ZNF704: variants seen among roughly 807,000 people sequenced by gnomAD.
ZNF704 encodes glucocorticoid induced gene 1.
In ZNF704, 10 loss-of-function variants were observed where a neutral mutation model predicts 44.7. That is an observed-to-expected ratio of 0.22 (90% CI 0.14 to 0.38). ZNF704 has a LOEUF of 0.38. Ranked by LOEUF, ZNF704 falls within the 10% of genes least tolerant of loss-of-function variation. The probability of loss-of-function intolerance (pLI) is 1.00; values close to 1 mark genes in which losing one functional copy is unlikely to be tolerated. For missense variants in ZNF704, 390 were observed against 545.5 expected (o/e 0.71, Z 2.84); for synonymous variants, 211 against 207.6 (o/e 1.02, Z -0.14).
chr8:80,683,937 G>T (rs1818494604), intron 4 of ZNF704, among the ~76,000 whole-genome samples: 1 of 152,162 alleles, frequency 6.6e-6, no homozygotes, highest in South Asian at 2.1e-4. Flanking sequence ...TAATGACAAA[G>T]GTCAGGATCA....
chr8:80,747,828 T>G (rs572507110), intron 2 of ZNF704, among the ~76,000 whole-genome samples: 1 of 152,222 alleles, frequency 6.6e-6, no homozygotes, highest in Admixed American at 6.5e-5. Context: ...GCGATTCCCC[T>G]GCTTCAGCAT....
intron 2 of ZNF704, among the ~76,000 whole-genome samples, chr8:80,813,850 G>C (rs377101505): frequency 6.6e-6 from 1 of 152,078 alleles, no homozygotes; most frequent in African/African-American, 2.4e-5. Flanking sequence ...CTGCACTCCA[G>C]CCTGGGCAAT....
chr8:80,655,561 C>G (rs1164695058), intron 7 of ZNF704, among the ~76,000 whole-genome samples: 1 of 152,128 alleles, frequency 6.6e-6, no homozygotes, highest in Middle Eastern at 3.2e-3. Context: ...TTGTCAGCTA[C>G]ATGCCAGGCA....
At chr8:80,861,676 C>T (rs1809063473) in intron 1 of ZNF704, among the ~76,000 whole-genome samples, 1 of 151,924 alleles carries the variant, frequency 6.6e-6, no homozygotes, top group African/African-American at 2.4e-5. Context: ...GTCACCTTCC[C>T]TTCTCTACCT....
intron 2 of ZNF704, among the ~76,000 whole-genome samples, chr8:80,762,708 C>G (rs1040172168): frequency 6.6e-6 from 1 of 152,278 alleles, no homozygotes; most frequent in African/African-American, 2.4e-5. Flanking sequence ...ACCAATCATG[C>G]CTTCCCAACA....
chr8:80,844,096 T>C (rs1808728178), intron 1 of ZNF704, among the ~76,000 whole-genome samples: 1 of 151,870 alleles, frequency 6.6e-6, no homozygotes, highest in African/African-American at 2.4e-5. Flanking sequence ...ACAAGTATAA[T>C]ATGAAAACCT....
chr8:80,877,741 GC>G (rs1809376302), upstream of ZNF704, among the ~76,000 whole-genome samples: 1 of 152,184 alleles, frequency 6.6e-6, no homozygotes, highest in Admixed American at 6.5e-5. Flanking sequence ...TGTTCTTGGT[GC>G]TGGCGTGCAG....
chr8:80,884,103 A>G, the ZNF704 span, among the ~76,000 whole-genome samples: 1 of 152,240 alleles, frequency 6.6e-6, no homozygotes, highest in Admixed American at 6.5e-5. Flanking sequence ...TTAATATGAA[A>G]AAATTGAGAG....
At chr8:80,776,351 T>C (rs1017017141) in intron 2 of ZNF704, among the ~76,000 whole-genome samples, 4 of 152,202 alleles carry the variant, frequency 2.6e-5, no homozygotes, top group African/African-American at 9.7e-5. Flanking sequence ...AATAGGAGCA[T>C]GTCTGCACCC....
At position 80,860,387 on chromosome 8, in the gene ZNF704, C is replaced by T. The variant is rs531372358; in HGVS notation, c.-22+14184G>A. Among the ~76,000 whole-genome samples the T allele has an allele frequency of 7.2e-5, 11 of 152,266 alleles. No homozygotes were observed. In the South Asian group the frequency reaches 2.3e-3, roughly 32 times the overall value. Reference sequence around the variant, plus strand: ...TGAGTCCAGTCTTTCCAAAATCAACCCCTTCTAGCTTTTAGATATGTCTGA... The same window carrying T: ...TGAGTCCAGTCTTTCCAAAATCAACTCCTTCTAGCTTTTAGATATGTCTGA... On this transcript the variant is annotated intron_variant, in intron 1 of 8. Coordinates refer to ENST00000327835, the MANE Select transcript of ZNF704 (RefSeq NM_001033723.3).
chr8:80,842,002 G>A (rs533825640), intron 1 of ZNF704, among the ~76,000 whole-genome samples: 13 of 151,876 alleles, frequency 8.6e-5, no homozygotes, highest in East Asian at 5.8e-4. Context: ...TCCCTTTGTC[G>A]CCCAGGTTGG....
At chr8:80,726,316 A>C (rs1433271139) in intron 2 of ZNF704, among the ~76,000 whole-genome samples, 2 of 152,190 alleles carry the variant, frequency 1.3e-5, no homozygotes, top group Admixed American at 1.3e-4. Flanking sequence ...AGAATTTACG[A>C]CATATTTAGA....
At chr8:80,705,412 G>C (rs1420136094) in intron 2 of ZNF704, among the ~76,000 whole-genome samples, 1 of 151,376 alleles carries the variant, frequency 6.6e-6, no homozygotes, top group Non-Finnish European at 1.5e-5. Context: ...ATGTGTGTCT[G>C]TCTGTGTTTG....
At chr8:80,830,318 T>C (rs944632013) in intron 1 of ZNF704, among the ~76,000 whole-genome samples, 2 of 152,210 alleles carry the variant, frequency 1.3e-5, no homozygotes, top group African/African-American at 4.8e-5. Flanking sequence ...ACAAGGCTCA[T>C]CCAGTTATTG....
intron 6 of ZNF704, among the ~76,000 whole-genome samples, chr8:80,661,863 A>G (rs1818107267): frequency 6.6e-6 from 1 of 152,200 alleles, no homozygotes; most frequent in Non-Finnish European, 1.5e-5. Context: ...AAGAATGAGT[A>G]CTAATGTTTG....
intron 2 of ZNF704, among the ~76,000 whole-genome samples, chr8:80,712,067 G>A (rs571778809): frequency 7.2e-5 from 11 of 152,240 alleles, no homozygotes; most frequent in Non-Finnish European, 1.3e-4. Context: ...AACAATGTTC[G>A]GAGGTGAGAC....
At chr8:80,736,660 A>T (rs1386996211) in intron 2 of ZNF704, among the ~76,000 whole-genome samples, 3 of 152,238 alleles carry the variant, frequency 2.0e-5, no homozygotes, top group Non-Finnish European at 4.4e-5. Flanking sequence ...ATGCAAAGGC[A>T]TAAGAATGAT....
intron 2 of ZNF704, among the ~76,000 whole-genome samples, chr8:80,705,169 G>T (rs1448865982): frequency 1.3e-5 from 2 of 152,284 alleles, no homozygotes; most frequent in East Asian, 3.9e-4. Context: ...GTTTACCCCT[G>T]AATTCTCAAG....
In ZNF704 at chr8:80,743,671, G is replaced by C. The variant is rs150934522; in HGVS notation, c.222-50564C>G. Among the ~76,000 whole-genome samples the C allele has an allele frequency of 3.9e-5, 6 of 152,288 alleles. No homozygotes were observed. In the East Asian group the frequency reaches 9.7e-4, roughly 25 times the overall value. On this transcript the variant is annotated intron_variant, in intron 2 of 8. Transcript: ENST00000327835. Reference sequence around the variant, plus strand: ...GAGTCTCCATTCCTTTCTCAGCAGAGAGCTGGGGGTGGGCCCAGCAAACCT... The same window carrying C: ...GAGTCTCCATTCCTTTCTCAGCAGACAGCTGGGGGTGGGCCCAGCAAACCT...
Sources: gnomAD v4.1 joint callset for allele counts (sites outside exome capture counted in the v4.1 genomes callset) on GRCh38, gnomAD v4.1.1 for gene constraint, MANE v1.5 for transcripts, NCBI Gene and HGNC (gene_info 2026-07-23, HGNC 2026-07-21) for gene names.